Variants in FBXO15 observed in about 807,000 individuals in gnomAD.
FBXO15 encodes the protein F-box only protein 15.
In FBXO15, 30 loss-of-function variants were observed where a neutral mutation model predicts 49.5. The ratio of observed to expected loss-of-function variants is 0.61; its 90% CI spans 0.45 to 0.82. The LOEUF is 0.82. FBXO15 is among the 40% of genes least tolerant of loss of function. The pLI is 0.00. For missense variants in FBXO15, 591 were observed against 631.5 expected (o/e 0.94, Z 0.69); for synonymous variants, 250 against 232.7 (o/e 1.07, Z -0.68).
At chr18:74,105,912 A>T (rs973369330) in intron 8 of FBXO15, among the ~76,000 whole-genome samples, 1 of 152,202 alleles carries the variant, frequency 6.6e-6, no homozygotes, top group African/African-American at 2.4e-5. Flanking sequence ...CAAAGAAGAT[A>T]TTTTAAAATC....
chr18:74,098,799 T>A (rs1302608325), intron 8 of FBXO15: 2 of 152,162 alleles, frequency 1.3e-5, no homozygotes, highest in Non-Finnish European at 2.9e-5. Flanking sequence ...AAGATCACCA[T>A]CTAGGCACAC....
At chr18:74,079,775 C>G (rs1327796967) in intron 9 of FBXO15, among the ~76,000 whole-genome samples, 1 of 152,184 alleles carries the variant, frequency 6.6e-6, no homozygotes, top group East Asian at 1.9e-4. Flanking sequence ...TTGGAGGTCA[C>G]TCAACTCTGA....
At chr18:74,108,898 G>A (rs1913888363) in intron 8 of FBXO15, among the ~76,000 whole-genome samples, 1 of 152,112 alleles carries the variant, frequency 6.6e-6, no homozygotes. Context: ...AGAGAATACA[G>A]TAAAACATTT....
intron 9 of FBXO15, among the ~76,000 whole-genome samples, chr18:74,081,166 T>C (rs1296506958): frequency 6.6e-6 from 1 of 152,188 alleles, no homozygotes; most frequent in Non-Finnish European, 1.5e-5. Context: ...ATAACACCAC[T>C]CTTGGTCCCA....
In FBXO15 at chr18:74,130,632, G is replaced by GA. The variant is rs1353513507; in HGVS notation, c.358_359insT (p.Thr120IlefsTer13). 1 of 1,613,858 alleles carries GA rather than the reference G, an allele frequency of 6.2e-7. No individual in the cohort carries two copies. ...ATTTGATCTTGCAGGTGAAAAAGCA[G>GA]TTGAGTAGATTCCGATCCAAATAAA... On this transcript the variant is annotated frameshift_variant, in exon 4 of 10. Coordinates refer to ENST00000419743, the MANE Select transcript of FBXO15 (RefSeq NM_001142958.2). LOFTEE classifies it high-confidence loss of function.
At chr18:74,125,858 G>A in intron 6 of FBXO15, 117 bp downstream of exon 6, 1 of 1,363,838 alleles carries the variant, frequency 7.3e-7, no homozygotes. Context: ...ATGGTAAAAT[G>A]GATTGCAGTT....
intron 8 of FBXO15, among the ~76,000 whole-genome samples, chr18:74,090,356 T>C (rs1466351325): frequency 1.3e-5 from 2 of 152,100 alleles, no homozygotes; most frequent in Non-Finnish European, 2.9e-5. Context: ...AAAAAACAAC[T>C]CCTGAATTCA....
chr18:74,102,148 CA>C (rs1285825430), intron 8 of FBXO15, among the ~76,000 whole-genome samples: 1 of 151,708 alleles, frequency 6.6e-6, no homozygotes, highest in Non-Finnish European at 1.5e-5. Context: ...TTTTTCACGG[CA>C]AAAGAACAGT....
At position 74,110,419 on chromosome 18, in the gene FBXO15, A is replaced by T. The variant is rs147025861; in HGVS notation, c.1138+12949T>A. On this transcript the variant is annotated intron_variant, in intron 8 of 9. Transcript: ENST00000419743. ...AAGAAGTATAAGTGATATGCTAAGA[A>T]AGAAGACAAAATGGAATCATATAAA... Among the ~76,000 whole-genome samples, 14 of 152,048 alleles carry T rather than the reference A, an allele frequency of 9.2e-5. No individual in the cohort carries two copies. In the East Asian group the frequency reaches 2.7e-3, roughly 29 times the overall value.
intron 8 of FBXO15, among the ~76,000 whole-genome samples, chr18:74,109,798 G>A (rs549541924): frequency 1.5e-4 from 23 of 152,020 alleles, no homozygotes; most frequent in African/African-American, 4.1e-4. Flanking sequence ...ATGGACACAG[G>A]GCAGGGAACA....
chr18:74,086,382 C>A (rs1204781100), intron 8 of FBXO15, among the ~76,000 whole-genome samples: 1 of 152,120 alleles, frequency 6.6e-6, no homozygotes, highest in African/African-American at 2.4e-5. Flanking sequence ...TTTTTCATAC[C>A]CTTGACATTT....
intron 8 of FBXO15, among the ~76,000 whole-genome samples, chr18:74,089,143 C>T (rs947808159): frequency 2.6e-5 from 4 of 151,968 alleles, no homozygotes; most frequent in Non-Finnish European, 5.9e-5. Context: ...ACACACACAC[C>T]CCTCGACAGG....
chr18:74,129,434 G>T lies in FBXO15; in HGVS notation c.756C>A (p.Thr252=). Residue 252 remains threonine (T), a synonymous_variant, in exon 5 of 10, where the codon ACC becomes ACA. Coordinates refer to ENST00000419743, the MANE Select transcript of FBXO15 (RefSeq NM_001142958.2). ...GTTTGGTGGGAGTTTTATACCAGTC[G>T]GTAAAAACTGGTGTCATGCCACATA... ...LDLCGMTPVF[T]DWYKTPTKHR... The T allele has an allele frequency of 6.2e-7, 1 of 1,613,760 alleles. No homozygotes were observed.
intron 8 of FBXO15, chr18:74,097,395 G>C (rs1241330103): frequency 6.6e-6 from 1 of 151,102 alleles, no homozygotes; most frequent in Non-Finnish European, 1.5e-5. Context: ...TTGGGGGGTT[G>C]GGGGGTTGGG....
chr18:74,122,582 G>A (rs985329454), intron 8 of FBXO15: 2 of 152,114 alleles, frequency 1.3e-5, no homozygotes, highest in East Asian at 3.9e-4. Context: ...GACTTTGGAG[G>A]ACCAGGATAT....
At chr18:74,106,469 A>T (rs1185092278) in intron 8 of FBXO15, among the ~76,000 whole-genome samples, 1 of 152,186 alleles carries the variant, frequency 6.6e-6, no homozygotes, top group Non-Finnish European at 1.5e-5. Context: ...ATTAGAAAAG[A>T]AATATGATAA....
At chr18:74,144,295 A>G (rs1039651274) in intron 1 of FBXO15, among the ~76,000 whole-genome samples, 3 of 152,202 alleles carry the variant, frequency 2.0e-5, no homozygotes, top group African/African-American at 7.2e-5. Context: ...TCATAGGATT[A>G]CAAAATCTGT....
chr18:74,078,680 T>A (rs1313086198), intron 9 of FBXO15: 1 of 152,526 alleles, frequency 6.6e-6, no homozygotes, highest in East Asian at 1.9e-4. Flanking sequence ...TTGTTTTCAA[T>A]CATCCCTCTC....
At chr18:74,105,253 C>A (rs1943927) in intron 8 of FBXO15, among the ~76,000 whole-genome samples, 1 of 151,916 alleles carries the variant, frequency 6.6e-6, no homozygotes, top group Non-Finnish European at 1.5e-5. Context: ...TGACTACAGT[C>A]TATGATTGCC....
Sources: allele counts gnomAD v4.1 joint callset (sites outside exome capture counted in the v4.1 genomes callset), GRCh38; gene constraint gnomAD v4.1.1; transcripts MANE v1.5; gene names NCBI Gene and HGNC (gene_info 2026-07-23, HGNC 2026-07-21).